Variants in FBXL2 observed in about 807,000 individuals in gnomAD.
FBXL2 encodes the protein F-box and leucine rich repeat protein 2, also known as F-box/LRR-repeat protein 2.
A neutral mutation model predicts 69.2 loss-of-function variants in FBXL2; 38 were observed. The ratio of observed to expected loss-of-function variants is 0.55; its 90% confidence interval spans 0.42 to 0.72. The LOEUF (loss-of-function observed/expected upper bound fraction) is 0.72. FBXL2 is among the 30% of genes least tolerant of loss of function. The pLI is 0.00. For synonymous variants in FBXL2, 192 were observed against 201.3 expected (o/e 0.95, Z 0.39); for missense variants, 354 against 520.3 (o/e 0.68, Z 3.11).
Position 33,375,345 on chromosome 3 carries a change from C to G in FBXL2, c.715C>G (p.Leu239Val), listed in dbSNP as rs2042567570. Residue 239 changes from leucine (L) to valine (V), a missense_variant, in exon 10 of 15, where the codon CTC (leucine) becomes GTC (valine). Physicochemically the swap from Leu to Val is conservative, Grantham distance 32. Transcript: ENST00000484457. ...CAGGGGCTGTCACCGGCTACAGGCT[C>G]TCTGCCTTTCGGGTTGCAGCAACCT... ...ICRGCHRLQA[L>V]CLSGCSNLTD... 6.2e-7 allele frequency: 1 copy of G among 1,614,120 alleles called. No homozygotes were observed. The highest frequency in any genetic ancestry group is 1.3e-5 in the African/African-American group (1 of 74,950).
chr3:33,367,691 T>C (rs1174025947), intron 5 of FBXL2, among the ~76,000 whole-genome samples: 1 of 152,150 alleles, frequency 6.6e-6, no homozygotes, highest in Non-Finnish European at 1.5e-5. Context: ...ATTGTTTTTC[T>C]GTTTTCTACT....
downstream of FBXL2, chr3:33,390,228 T>G: frequency 8.4e-7 from 1 of 1,197,496 alleles, no homozygotes; most frequent in Non-Finnish European, 1.2e-6. Context: ...ATATGAAACA[T>G]TTCATATGGT....
chr3:33,420,448 C>T, the FBXL2 span, among the ~76,000 whole-genome samples: 10 of 151,614 alleles, frequency 6.6e-5, no homozygotes, highest in Non-Finnish European at 1.3e-4. Flanking sequence ...GCCTCAGCCT[C>T]CCAAGTAGCT....
At chr3:33,411,021 C>T in the FBXL2 span, among the ~76,000 whole-genome samples, 3 of 147,534 alleles carry the variant, frequency 2.0e-5, no homozygotes, top group African/African-American at 5.0e-5. Context: ...TGCAGTGAGC[C>T]GAGATCATGC....
rs201101782 is a variant in FBXL2, at chr3:33,324,150, A to AT, written c.65+26435dup. 4.0e-3 allele frequency among the ~76,000 whole-genome samples: 590 copies of AT among 147,690 alleles called. 2 individuals are homozygous for AT. Among genetic ancestry groups the AT allele is most frequent in the South Asian group, 0.02 (94 of 4,734 alleles). On this transcript the variant is annotated intron_variant, in intron 2 of 14. Coordinates refer to ENST00000484457, the MANE Select transcript of FBXL2 (RefSeq NM_012157.5). ...ATATCCTTTGCCCACTTTTTGATGG[A>AT]TTTTTTTTTTCTTGTAAATTTGTTT...
intron 14 of FBXL2, among the ~76,000 whole-genome samples, chr3:33,384,774 C>G (rs2043302831): frequency 6.6e-6 from 1 of 152,144 alleles, no homozygotes; most frequent in Non-Finnish European, 1.5e-5. Context: ...GGCGCGGTGG[C>G]TCACGACTCT....
intron 2 of FBXL2, among the ~76,000 whole-genome samples, chr3:33,305,700 A>G (rs1261989042): frequency 6.6e-6 from 1 of 151,992 alleles, no homozygotes; most frequent in Non-Finnish European, 1.5e-5. Context: ...TTGGGAAATT[A>G]ATTATTACTT....
the FBXL2 span, among the ~76,000 whole-genome samples, chr3:33,418,460 T>C: frequency 2.0e-5 from 3 of 151,878 alleles, no homozygotes; most frequent in African/African-American, 4.8e-5. Flanking sequence ...GGTTTCGCCA[T>C]GTTGGCCAGG....
intron 2 of FBXL2, among the ~76,000 whole-genome samples, chr3:33,337,783 T>C (rs953581596): frequency 4.6e-5 from 7 of 152,162 alleles, no homozygotes; most frequent in Admixed American, 6.5e-5. Flanking sequence ...GATACCAACT[T>C]AATGTACAAA....
At chr3:33,288,967 G>C (rs2034942383) in intron 1 of FBXL2, among the ~76,000 whole-genome samples, 1 of 152,150 alleles carries the variant, frequency 6.6e-6, no homozygotes, top group Non-Finnish European at 1.5e-5. Context: ...GAATATAAAT[G>C]ATTTTGATGA....
intron 12 of FBXL2, among the ~76,000 whole-genome samples, chr3:33,400,457 T>C (rs968671923): frequency 1.3e-5 from 2 of 152,014 alleles, no homozygotes; most frequent in East Asian, 1.9e-4. Context: ...TGATACACAA[T>C]GGGATGCTAT....
intron 1 of FBXL2, among the ~76,000 whole-genome samples, chr3:33,292,570 A>G (rs1474042905): frequency 1.3e-5 from 2 of 152,186 alleles, no homozygotes; most frequent in Non-Finnish European, 1.5e-5. Context: ...TTTGAACACC[A>G]CTATCAACCA....
chr3:33,385,444 C>G lies in FBXL2; in HGVS notation c.1165-57C>G, dbSNP rs79423968. 3,975 of 1,410,706 alleles carry G rather than the reference C, an allele frequency of 2.8e-3. 170 individuals carry two copies. The East Asian group carries it at 0.083, about 29-fold the overall frequency. 87.4% of individuals were successfully genotyped at this position (1,410,706 alleles called of 1,614,324 possible). A position where few individuals can be genotyped will look rare whatever the true frequency, so the allele number is the denominator to read the frequency against. On this transcript the variant is annotated intron_variant, in intron 14 of 14. Coordinates refer to ENST00000484457, the MANE Select transcript of FBXL2 (RefSeq NM_012157.5). Reference sequence around the variant, plus strand: ...ACTATAGGTTTTTCTAGAATTATGACTATAATCCTAAAAATAGTAATGTGT... The same window carrying G: ...ACTATAGGTTTTTCTAGAATTATGAGTATAATCCTAAAAATAGTAATGTGT...
chr3:33,383,790 A>C, intron 13 of FBXL2, 199 bp from the exon 14 acceptor site: 1 of 574,308 alleles, frequency 1.7e-6, no homozygotes, highest in Non-Finnish European at 3.1e-6. Context: ...CTGCTACTAC[A>C]GACTGGATAA....
chr3:33,285,814 T>C (rs949418553), intron 1 of FBXL2, among the ~76,000 whole-genome samples: 1 of 152,178 alleles, frequency 6.6e-6, no homozygotes, highest in African/African-American at 2.4e-5. Flanking sequence ...TACCCTTTCT[T>C]CCACTTGATC....
intron 2 of FBXL2, chr3:33,303,189 T>C (rs1485192685): frequency 2.2e-6 from 1 of 456,338 alleles, no homozygotes; most frequent in African/African-American, 2.0e-5. Context: ...GGTACATGCT[T>C]CAATTTCAAA....
At chr3:33,405,111 AT>A (rs368823728), downstream of FBXL2, among the ~76,000 whole-genome samples, 100 of 152,232 alleles carry the variant, frequency 6.6e-4, 1 homozygote, top group African/African-American at 1.9e-3. Flanking sequence ...TTGTAAGGCA[AT>A]TTTTTTAGGG....
downstream of FBXL2, among the ~76,000 whole-genome samples, chr3:33,407,440 T>A (rs2044457126): frequency 1.3e-5 from 2 of 151,760 alleles, no homozygotes; most frequent in South Asian, 4.1e-4. Flanking sequence ...GAACCATTGG[T>A]GGGTCTTCAG....
At chr3:33,377,213 T>G in intron 10 of FBXL2, 60 bp from the exon 11 acceptor site, 1 of 1,472,738 alleles carries the variant, frequency 6.8e-7, no homozygotes, top group Non-Finnish European at 9.5e-7. Flanking sequence ...TCATAAAATA[T>G]GTGTTTCCAT....
Sources: allele counts gnomAD v4.1 joint callset (sites outside exome capture counted in the v4.1 genomes callset), GRCh38; gene constraint gnomAD v4.1.1; transcripts MANE v1.5; gene names NCBI Gene and HGNC (gene_info 2026-07-23, HGNC 2026-07-21).